MTMR8: variants seen among roughly 807,000 people sequenced by gnomAD.
The protein encoded by MTMR8 is myotubularin related protein 8, also known as phosphatidylinositol-3,5-bisphosphate 3-phosphatase MTMR8.
MTMR8 carries 65 observed loss-of-function variants against 39.3 expected under a neutral mutation model. The ratio of observed to expected loss-of-function variants is 1.65; its 90% confidence interval spans 1.35 to 2.03. The LOEUF (loss-of-function observed/expected upper bound fraction) is 2.03, where lower values mean the gene tolerates loss of function less well. MTMR8 is among the 30% of genes most tolerant of loss of function. The pLI is 0.00. For synonymous variants in MTMR8, 245 were observed against 185.2 expected (o/e 1.32, Z -2.62); for missense variants, 777 against 538.9 (o/e 1.44, Z -4.37).
At chrX:64,328,535 C>T (rs1454301492) in intron 12 of MTMR8, among the ~76,000 whole-genome samples, 1 of 111,379 alleles carries the variant, frequency 9.0e-6, no homozygotes, top group Non-Finnish European at 1.9e-5. Context: ...GGTTGTATTC[C>T]TACAAATCAA....
rs966548594 is a variant in MTMR8, at chrX:64,303,578, C to A, written c.1481+25194G>T. Among the ~76,000 whole-genome samples the A allele has an allele frequency of 2.7e-5, 3 of 112,232 alleles. No homozygotes were observed. In the Admixed American group the frequency reaches 2.8e-4, roughly 11 times the overall value. ...ATACTTGTGCTCAAAGGGGAAGGCA[C>A]ATGATTTCCTAAAATGAGCCACCTT... On this transcript the variant is annotated intron_variant, in intron 12 of 13. Transcript: ENST00000374852.
intron 12 of MTMR8, among the ~76,000 whole-genome samples, chrX:64,303,610 AG>A (rs1272878077): frequency 8.9e-6 from 1 of 112,443 alleles, no homozygotes; most frequent in African/African-American, 3.2e-5. Context: ...CCTTATAAAG[AG>A]TTCTTACTGT....
intron 12 of MTMR8, among the ~76,000 whole-genome samples, chrX:64,315,602 CT>C (rs998927765): frequency 2.2e-4 from 24 of 107,140 alleles, no homozygotes; most frequent in Admixed American, 4.0e-4. Flanking sequence ...TCTTTCCATC[CT>C]TTTTTTTTTA....
chrX:64,378,241 A>G (rs1169121768), intron 1 of MTMR8, among the ~76,000 whole-genome samples: 1 of 112,153 alleles, frequency 8.9e-6, no homozygotes, highest in Admixed American at 9.5e-5. Flanking sequence ...AGAAATACAT[A>G]AAAATAGAGG....
At chrX:64,287,169 A>G (rs1921213288) in intron 12 of MTMR8, among the ~76,000 whole-genome samples, 1 of 111,660 alleles carries the variant, frequency 9.0e-6, no homozygotes, top group South Asian at 3.7e-4. Flanking sequence ...ATACACCAAT[A>G]ACAAACAAAC....
intron 1 of MTMR8, among the ~76,000 whole-genome samples, chrX:64,391,243 A>C (rs1390163108): frequency 8.9e-6 from 1 of 112,191 alleles, no homozygotes; most frequent in Admixed American, 9.5e-5. Context: ...TTCTACCCAC[A>C]CAAATGTAGA....
At chrX:64,301,071 T>G (rs1300943356) in intron 12 of MTMR8, among the ~76,000 whole-genome samples, 2 of 104,884 alleles carry the variant, frequency 1.9e-5, no homozygotes, top group Non-Finnish European at 3.9e-5. Context: ...TTGCTCTTCT[T>G]GAGGAGTATC....
intron 12 of MTMR8, among the ~76,000 whole-genome samples, chrX:64,276,407 C>T (rs1401249146): frequency 9.0e-6 from 1 of 111,388 alleles, no homozygotes; most frequent in African/African-American, 3.3e-5. Context: ...TTCCTGCTTT[C>T]CCCTGTGGGC....
intron 12 of MTMR8, among the ~76,000 whole-genome samples, chrX:64,321,968 G>C (rs1333564586): frequency 9.0e-6 from 1 of 111,302 alleles, no homozygotes; most frequent in Non-Finnish European, 1.9e-5. Flanking sequence ...TTATTGATTT[G>C]CATATGTTGA....
In MTMR8 at chrX:64,268,432, G is replaced by T; in HGVS notation, c.*105C>A. On this transcript the variant is annotated 3_prime_UTR_variant, in exon 14 of 14. Transcript: ENST00000374852. The stretch of plus-strand genomic sequence containing the variant: ...ACTTAAGTGGGGAGAGGGGTGCCCT[G>T]GCTTCACCCACTTAAACCAATTGGA... 1.0e-6 allele frequency: 1 copy of T among 999,933 alleles called. No individual in the cohort carries two copies. The highest frequency in any genetic ancestry group is 1.3e-6 in the Non-Finnish European group (1 of 741,370). The allele number at this position is 999,933 out of a possible 1,213,427, so 82.4% of individuals were successfully genotyped here.
chrX:64,328,657 G>T (rs1476139961), intron 12 of MTMR8, 115 bp downstream of exon 12: 3 of 701,609 alleles, frequency 4.3e-6, no homozygotes, highest in Admixed American at 4.5e-5. Flanking sequence ...TGAGGACAGA[G>T]TATCCTACTC....
intron 1 of MTMR8, among the ~76,000 whole-genome samples, chrX:64,373,700 A>G (rs1924186639): frequency 9.0e-6 from 1 of 110,732 alleles, no homozygotes; most frequent in African/African-American, 3.3e-5. Context: ...CCTATGGCCC[A>G]CCCTCTAAAA....
intron 12 of MTMR8, among the ~76,000 whole-genome samples, chrX:64,287,324 C>A (rs865788139): frequency 4.0e-4 from 44 of 111,374 alleles, no homozygotes; most frequent in African/African-American, 1.4e-3. Context: ...AGGATACAAA[C>A]AAATGGAAGA....
At position 64,271,067 on chromosome X, in the gene MTMR8, C is replaced by G; in HGVS notation, c.1488G>C (p.Trp496Cys). The G allele has an allele frequency of 1.7e-6, 2 of 1,193,145 alleles. No individual in the cohort carries two copies. Among genetic ancestry groups the G allele is most frequent in the Non-Finnish European group, 2.3e-6 (2 of 887,527 alleles). ...TGTCAAAGCGGTTATACATCCCACA[C>G]CAGAACCTCAAATAGACAAAAATGG... ...PSTVPYNIQF[W>C]CGMYNRFDKG... The change falls in exon 13 of 14, where the codon TGG becomes TGC. Residue 496 changes from tryptophan to cysteine, a missense_variant. Trp to Cys is a radical substitution (Grantham distance 215). Transcript: ENST00000374852.
chrX:64,345,318 A>G, intron 6 of MTMR8, 141 bp from the exon 7 acceptor site: 1 of 590,864 alleles, frequency 1.7e-6, no homozygotes. Context: ...ACATTCTGGA[A>G]TGGAGAGAAT....
chrX:64,320,258 T>A (rs1922599324), intron 12 of MTMR8, among the ~76,000 whole-genome samples: 1 of 111,212 alleles, frequency 9.0e-6, no homozygotes, highest in South Asian at 3.8e-4. Context: ...TGATTTTGTA[T>A]CCTGAGACTT....
At position 64,356,690 on chromosome X, in the gene MTMR8, AT is replaced by A. The variant is rs774102945; in HGVS notation, c.148-353del. Among the ~76,000 whole-genome samples the A allele has an allele frequency of 9.0e-5, 10 of 111,055 alleles. No homozygotes were observed. The East Asian group carries it at 1.4e-3, about 16-fold the overall frequency. ...ATAATTGTTACAGAGGAAAACAGGA[AT>A]TTTTTTTCTTATATCAAATTACTAA... On this transcript the variant is annotated intron_variant, in intron 2 of 13. Coordinates refer to ENST00000374852, the MANE Select transcript of MTMR8 (RefSeq NM_017677.4).
intron 4 of MTMR8, among the ~76,000 whole-genome samples, chrX:64,350,761 GA>G (rs1170353572): frequency 9.0e-6 from 1 of 110,966 alleles, no homozygotes; most frequent in African/African-American, 3.3e-5. Flanking sequence ...CTTACTCTAT[GA>G]AAAGACTGAC....
intron 12 of MTMR8, among the ~76,000 whole-genome samples, chrX:64,294,475 C>T (rs1391297574): frequency 8.9e-6 from 1 of 111,797 alleles, no homozygotes; most frequent in Non-Finnish European, 1.9e-5. Flanking sequence ...ATAAAATCCT[C>T]CTTACTAAAT....
Sources: gnomAD v4.1 joint callset for allele counts (sites outside exome capture counted in the v4.1 genomes callset) on GRCh38, gnomAD v4.1.1 for gene constraint, MANE v1.5 for transcripts, NCBI Gene and HGNC (gene_info 2026-07-23, HGNC 2026-07-21) for gene names.